EYS: variants seen among roughly 807,000 people sequenced by gnomAD.
EYS encodes protein eyes shut homolog.
A neutral mutation model predicts 282.1 loss-of-function variants in EYS; 250 were observed. That is an observed-to-expected ratio of 0.89 (90% CI 0.80 to 0.98). The LOEUF (loss-of-function observed/expected upper bound fraction) is 0.98. EYS is among the 50% of genes least tolerant of loss of function. The probability of loss-of-function intolerance (pLI) is 0.00; values close to 1 mark genes in which losing one functional copy is unlikely to be tolerated. For synonymous variants in EYS, 1,355 were observed against 1,282.9 expected (o/e 1.06, Z -1.20); for missense variants, 4,016 against 3,709.0 (o/e 1.08, Z -2.15).
intron 14 of EYS, among the ~76,000 whole-genome samples, chr6:64,947,285 C>A (rs1317928068): frequency 6.6e-6 from 1 of 151,748 alleles, no homozygotes; most frequent in South Asian, 2.1e-4. Context: ...ACAAACATAA[C>A]AATGAAACAT....
At position 63,984,370 on chromosome 6, in the gene EYS, G is replaced by C. The variant is rs766150006; in HGVS notation, c.7055+13C>G. Reference sequence around the variant, plus strand: ...ATGTAACGTAGGTTGGGAATCAGGAGACTAATACTGACCTGATGCAGGTGC... The same window carrying C: ...ATGTAACGTAGGTTGGGAATCAGGACACTAATACTGACCTGATGCAGGTGC... On this transcript the variant is annotated intron_variant, in intron 35 of 42. Coordinates refer to ENST00000503581, the MANE Select transcript of EYS (RefSeq NM_001142800.2). 149 of 1,516,310 alleles carry C rather than the reference G, an allele frequency of 9.8e-5. No individual in the cohort carries two copies. The highest frequency in any genetic ancestry group is 1.3e-4 in the Non-Finnish European group (142 of 1,115,364). 93.9% of individuals were successfully genotyped at this position (1,516,310 alleles called of 1,614,324 possible). A position where few individuals can be genotyped will look rare whatever the true frequency, so the allele number is the denominator to read the frequency against.
Position 65,565,765 on chromosome 6 carries a change from G to C in EYS, c.-332-69772C>G, listed in dbSNP as rs187751856. On this transcript the variant is annotated intron_variant, in intron 2 of 42. Coordinates refer to ENST00000503581, the MANE Select transcript of EYS (RefSeq NM_001142800.2). The stretch of plus-strand genomic sequence containing the variant: ...CATATACAACATGGAACACTATGCA[G>C]CCATAAAAAAGGACTAGTTCATGTC... Among the ~76,000 whole-genome samples, 283 of 152,198 alleles carry C rather than the reference G, an allele frequency of 1.9e-3. 1 individual carries two copies. The highest frequency in any genetic ancestry group is 4.3e-3 in the Admixed American group (66 of 15,278).
chr6:64,880,926 A>C (rs1029770927), intron 19 of EYS, among the ~76,000 whole-genome samples: 2 of 151,294 alleles, frequency 1.3e-5, no homozygotes, highest in African/African-American at 2.4e-5. Flanking sequence ...ATAATATATA[A>C]AATAAATGTG....
chr6:64,849,643 G>A (rs1765820609), intron 19 of EYS, among the ~76,000 whole-genome samples: 1 of 151,968 alleles, frequency 6.6e-6, no homozygotes, highest in South Asian at 2.1e-4. Context: ...CTTTTCTGGA[G>A]GCTCTGGGGA....
intron 26 of EYS, among the ~76,000 whole-genome samples, chr6:64,489,868 G>T (rs1361847015): frequency 6.6e-6 from 1 of 150,596 alleles, no homozygotes. Flanking sequence ...TACAAAGGTT[G>T]TCTTCTTTCT....
Position 64,813,218 on chromosome 6 carries a change from A to C in EYS, c.3443+160T>G, listed in dbSNP as rs9345532. Among the ~76,000 whole-genome samples the C allele has an allele frequency of 0.44, 66,714 of 151,728 alleles. 15,620 individuals are homozygous for C. The highest frequency in any genetic ancestry group is 0.62 in the Admixed American group (9,455 of 15,164). On this transcript the variant is annotated intron_variant, in intron 22 of 42. Transcript: ENST00000503581. ...TGATATTTGGAAAATATAAACAATG[A>C]CATTTTGTAATTGTTATTTTCTAAG...
At chr6:65,215,426 C>T (rs987942010) in intron 12 of EYS, among the ~76,000 whole-genome samples, 2 of 152,166 alleles carry the variant, frequency 1.3e-5, no homozygotes, top group African/African-American at 4.8e-5. Flanking sequence ...TGCGATTGAA[C>T]TGCTGCAATC....
intron 26 of EYS, among the ~76,000 whole-genome samples, chr6:64,460,010 C>G (rs1468519669): frequency 6.6e-5 from 10 of 151,322 alleles, no homozygotes; most frequent in Non-Finnish European, 1.5e-4. Context: ...TGTGCCAGGA[C>G]TCTTTCCTCA....
At chr6:64,390,102 G>C (rs988233464) in intron 28 of EYS, among the ~76,000 whole-genome samples, 2 of 152,086 alleles carry the variant, frequency 1.3e-5, no homozygotes, top group African/African-American at 4.8e-5. Context: ...ATTATATCCC[G>C]CACCTGGCTC....
intron 2 of EYS, among the ~76,000 whole-genome samples, chr6:65,518,713 A>G (rs1055761226): frequency 2.0e-5 from 3 of 152,118 alleles, no homozygotes; most frequent in African/African-American, 7.2e-5. Context: ...CATACCCAAG[A>G]CTGGGTAATT....
chr6:64,751,998 A>G (rs565340185), intron 22 of EYS, among the ~76,000 whole-genome samples: 2 of 152,272 alleles, frequency 1.3e-5, no homozygotes, highest in African/African-American at 2.4e-5. Context: ...TAAGAAAAAA[A>G]TTAAAAATAA....
intron 13 of EYS, among the ~76,000 whole-genome samples, chr6:65,012,746 T>C (rs1376392619): frequency 7.6e-6 from 1 of 132,128 alleles, no homozygotes; most frequent in Non-Finnish European, 1.6e-5. Context: ...TTAGTGTCCA[T>C]AAAATAAGAG....
At chr6:64,752,833 A>T (rs1435471325) in intron 22 of EYS, among the ~76,000 whole-genome samples, 1 of 152,172 alleles carries the variant, frequency 6.6e-6, no homozygotes, top group Non-Finnish European at 1.5e-5. Flanking sequence ...GAATACAGAG[A>T]TCATCAAAGA....
At chr6:64,065,493 T>C (rs2149854943) in intron 33 of EYS, among the ~76,000 whole-genome samples, 1 of 152,356 alleles carries the variant, frequency 6.6e-6, no homozygotes, top group South Asian at 2.1e-4. Context: ...TTCTCTTTTC[T>C]GATGTTTTAT....
chr6:64,718,536 C>G (rs566961783), intron 22 of EYS, among the ~76,000 whole-genome samples: 100 of 152,126 alleles, frequency 6.6e-4, no homozygotes, highest in African/African-American at 1.8e-3. Flanking sequence ...AAATGTGTCC[C>G]TTATGAAGTT....
chr6:65,353,431 T>C (rs765527415), intron 9 of EYS, 27 bp downstream of exon 9: 3 of 1,608,062 alleles, frequency 1.9e-6, no homozygotes, highest in Non-Finnish European at 2.6e-6. Flanking sequence ...TTCAAGCAGA[T>C]TGAAAAAAAT....
intron 11 of EYS, among the ~76,000 whole-genome samples, chr6:65,318,563 T>C (rs1159682900): frequency 1.4e-5 from 2 of 147,198 alleles, no homozygotes; most frequent in Admixed American, 6.8e-5. Flanking sequence ...ATATTTTATA[T>C]ATTATATGTA....
rs527913419 is a variant in EYS at position 64,390,707 on chromosome 6, A to C, written c.5928-1867T>G. Among the ~76,000 whole-genome samples, 32 of 151,056 alleles carry C rather than the reference A, an allele frequency of 2.1e-4. 1 individual carries two copies. Among genetic ancestry groups the C allele is most frequent in the South Asian group, 2.1e-3 (10 of 4,758 alleles). On this transcript the variant is annotated intron_variant, in intron 28 of 42. Coordinates refer to ENST00000503581, the MANE Select transcript of EYS (RefSeq NM_001142800.2). ...AACACAAAAACTGGAAACTCTAAAA[A>C]GCAGAGCGCCTCTCCTCCTCCAAAG... is the stretch of plus-strand genomic sequence containing the variant.
chr6:64,201,717 A>G (rs1765463974), intron 31 of EYS, among the ~76,000 whole-genome samples: 1 of 152,226 alleles, frequency 6.6e-6, no homozygotes, highest in African/African-American at 2.4e-5. Flanking sequence ...AGGTTTTTAA[A>G]GTATTTTTAA....
Sources: gnomAD v4.1 joint callset for allele counts (sites outside exome capture counted in the v4.1 genomes callset) on GRCh38, gnomAD v4.1.1 for gene constraint, MANE v1.5 for transcripts, NCBI Gene and HGNC (gene_info 2026-07-23, HGNC 2026-07-21) for gene names.